The following LMBR1 variants were observed in gnomAD, a reference collection of about 807,000 sequenced individuals.
LMBR1 encodes limb development membrane protein 1.
LMBR1 carries 52 observed loss-of-function variants against 73.9 expected under a neutral mutation model. The observed-to-expected ratio is 0.70, with a 90% CI of 0.56 to 0.89. The LOEUF is 0.89. Among genes scored for constraint, LMBR1 ranks in the 40% least tolerant of loss-of-function variants. LMBR1 has a pLI of 0.00. For missense variants in LMBR1, 539 were observed against 579.8 expected, an observed-to-expected ratio of 0.93 and a Z score of 0.72; for synonymous variants, 215 against 209.4, an observed-to-expected ratio of 1.03 and a Z score of -0.23.
chr7:156,851,334 G>T (rs907249495), intron 1 of LMBR1, among the ~76,000 whole-genome samples: 1 of 151,618 alleles, frequency 6.6e-6, no homozygotes, highest in African/African-American at 2.4e-5. Context: ...ATAATAAATT[G>T]CCCTGTGTCT....
At chr7:156,854,418 G>T (rs546548899) in intron 1 of LMBR1, among the ~76,000 whole-genome samples, 4 of 152,266 alleles carry the variant, frequency 2.6e-5, no homozygotes, top group African/African-American at 9.6e-5. Context: ...TCAGAGTAAA[G>T]ATTAGGGAAA....
At chr7:156,762,041 T>C (rs1397959601) in intron 8 of LMBR1, 93 bp downstream of exon 8, 4 of 717,768 alleles carry the variant, frequency 5.6e-6, no homozygotes, top group African/African-American at 5.5e-5. Flanking sequence ...CATATTCTTC[T>C]TCTATTTCTA....
Position 156,892,986 on chromosome 7 carries a change from C to T in LMBR1, c.8G>A (p.Gly3Glu). 7 of 1,535,228 alleles carry T rather than the reference C, an allele frequency of 4.6e-6. No individual in the cohort carries two copies. The highest frequency in any genetic ancestry group is 6.1e-6 in the Non-Finnish European group (7 of 1,148,408). ME[G>E]QDEVSAREQH... ...CTCCCGCGCCGACACCTCGTCCTGC[C>T]CTTCCATCCTCCTTCATGCCCGCCG... is the stretch of plus-strand genomic sequence containing the variant. The change falls in exon 1 of 17, where the codon GGG becomes GAG. Residue 3 changes from glycine (G) to glutamate (E), a missense_variant. Gly to Glu is a moderately conservative substitution (Grantham distance 98). Coordinates refer to ENST00000353442, the MANE Select transcript of LMBR1 (RefSeq NM_022458.4).
At chr7:156,734,380 T>C in intron 9 of LMBR1, 123 bp from the exon 10 acceptor site, 2 of 577,292 alleles carry the variant, frequency 3.5e-6, no homozygotes, top group African/African-American at 3.8e-5. Flanking sequence ...TAACAAGAAA[T>C]GTTGCTGTGA....
rs1554456726 is a variant in LMBR1 at position 156,680,415 on chromosome 7, T to TGCGC, written c.*3662_*3663insGCGC. ...GAGAGAGAGAGAGAGTGTGTGTGTGTGTGTGTGTGTAATGGGTTATTTCTT... is the reference window on the plus strand; with the variant it reads ...GAGAGAGAGAGAGAGTGTGTGTGTGTGCGCGTGTGTGTGTAATGGGTTATTTCTT... On this transcript the variant is annotated 3_prime_UTR_variant, in exon 17 of 17. Transcript: ENST00000353442. 2 of 146,950 alleles carry TGCGC rather than the reference T, an allele frequency of 1.4e-5. No homozygotes were observed. The highest frequency in any genetic ancestry group is 1.9e-4 in the East Asian group (1 of 5,186). The allele number at this position is 146,950 out of a possible 1,614,324, so 9.1% of individuals were successfully genotyped here. A position where few individuals can be genotyped will look rare whatever the true frequency, so the allele number is the denominator to read the frequency against.
chr7:156,754,159 A>T (rs1055712743), intron 9 of LMBR1, among the ~76,000 whole-genome samples: 3 of 152,248 alleles, frequency 2.0e-5, no homozygotes, highest in Admixed American at 6.5e-5. Flanking sequence ...GCTTTGCTTT[A>T]CTTTATTAAC....
At chr7:156,755,858 T>C (rs1821770680) in intron 9 of LMBR1, among the ~76,000 whole-genome samples, 1 of 152,214 alleles carries the variant, frequency 6.6e-6, no homozygotes. Context: ...CTGAAGAAAG[T>C]AGGTAGATAC....
chr7:156,760,689 T>A (rs904119692), intron 8 of LMBR1, among the ~76,000 whole-genome samples: 25 of 152,338 alleles, frequency 1.6e-4, no homozygotes, highest in Non-Finnish European at 2.8e-4. Context: ...GTATACAACA[T>A]TTACATACTT....
intron 3 of LMBR1, among the ~76,000 whole-genome samples, chr7:156,829,670 T>A (rs1309255105): frequency 6.6e-6 from 1 of 152,212 alleles, no homozygotes; most frequent in East Asian, 1.9e-4. Flanking sequence ...CTAAGCTTTC[T>A]ACCATGGCCC....
intron 5 of LMBR1, among the ~76,000 whole-genome samples, chr7:156,774,853 T>G (rs1464264251): frequency 6.6e-6 from 1 of 151,958 alleles, no homozygotes; most frequent in Non-Finnish European, 1.5e-5. Context: ...AATGAGATCA[T>G]GTCTTTTGCA....
chr7:156,883,095 ATCAAGTT>A (rs1333003947), intron 1 of LMBR1, among the ~76,000 whole-genome samples: 2 of 151,842 alleles, frequency 1.3e-5, no homozygotes, highest in Non-Finnish European at 1.5e-5. Flanking sequence ...CTGCAATACA[ATCAAGTT>A]TAAAAAAGAA....
At chr7:156,840,800 A>T (rs889700721) in intron 1 of LMBR1, among the ~76,000 whole-genome samples, 3 of 86,772 alleles carry the variant, frequency 3.5e-5, no homozygotes, top group African/African-American at 1.3e-4. Flanking sequence ...TCTACTAAAA[A>T]TACAAAAAAA....
chr7:156,676,951 T>C (rs1314609997), downstream of LMBR1: 1 of 316,702 alleles, frequency 3.2e-6, no homozygotes, highest in Non-Finnish European at 5.9e-6. Context: ...AGCTAGTGTC[T>C]GAACGACACT....
At chr7:156,762,682 A>G (rs1262250402) in intron 7 of LMBR1, among the ~76,000 whole-genome samples, 1 of 152,160 alleles carries the variant, frequency 6.6e-6, no homozygotes. Context: ...AAAAACCACA[A>G]ACTTATCATA....
chr7:156,892,171 G>C (rs980979192), intron 1 of LMBR1, among the ~76,000 whole-genome samples: 4 of 152,244 alleles, frequency 2.6e-5, no homozygotes, highest in African/African-American at 9.6e-5. Flanking sequence ...AAAAGAAGCT[G>C]CTTCCCTAAG....
chr7:156,807,166 G>C (rs191476868), intron 4 of LMBR1, among the ~76,000 whole-genome samples: 21 of 152,104 alleles, frequency 1.4e-4, no homozygotes, highest in Admixed American at 1.4e-3. Flanking sequence ...CTATGTTCGT[G>C]ACACTGGCCT....
At chr7:156,827,249 T>A (rs529750588) in intron 3 of LMBR1, among the ~76,000 whole-genome samples, 1 of 152,228 alleles carries the variant, frequency 6.6e-6, no homozygotes, top group East Asian at 1.9e-4. Flanking sequence ...GGGTAAAGAT[T>A]AAATAAATTA....
At chr7:156,833,491 C>A in intron 3 of LMBR1, 1 of 420,388 alleles carries the variant, frequency 2.4e-6, no homozygotes, top group Non-Finnish European at 4.2e-6. Context: ...TTTCTTATGA[C>A]CAAGCAATTA....
chr7:156,820,096 GCAGAAGACAGACAGAGCTTC>G (rs578217607), intron 4 of LMBR1, among the ~76,000 whole-genome samples: 5 of 152,328 alleles, frequency 3.3e-5, no homozygotes, highest in African/African-American at 1.2e-4. Context: ...TCTGGTCTGT[GCAGAAGACAGACAGAGCTTC>G]CAGAATAACA....
Sources: gnomAD v4.1 joint callset for allele counts (sites outside exome capture counted in the v4.1 genomes callset) on GRCh38, gnomAD v4.1.1 for gene constraint, MANE v1.5 for transcripts, NCBI Gene and HGNC (gene_info 2026-07-23, HGNC 2026-07-21) for gene names.